PIK3R5: variants seen among roughly 807,000 people sequenced by gnomAD.
PIK3R5 encodes phosphoinositide-3-kinase regulatory subunit 5.
Under a neutral mutation model 94.9 loss-of-function variants are expected in PIK3R5, and 32 were observed. The ratio of observed to expected loss-of-function variants is 0.34; its 90% confidence interval spans 0.25 to 0.45. The LOEUF (loss-of-function observed/expected upper bound fraction) is 0.45. PIK3R5 is among the 20% of genes least tolerant of loss of function. The pLI is 1.00. For synonymous variants in PIK3R5, 443 were observed against 479.4 expected (o/e 0.92, Z 0.99); for missense variants, 853 against 1,144.6 (o/e 0.75, Z 3.68).
chr17:8,880,807 C>T lies in PIK3R5; in HGVS notation c.2496-21G>A, dbSNP rs202177104. 27 of 1,612,658 alleles carry T rather than the reference C, an allele frequency of 1.7e-5. No homozygotes were observed. The East Asian group carries it at 5.8e-4, about 35-fold the overall frequency. ...CACATCTGTGCAGCAGGGCAGGGGC[C>T]AGGGATCAGAGCAGGCCCCCATCCT... On this transcript the variant is annotated intron_variant, in intron 18 of 18. Coordinates refer to ENST00000447110, the MANE Select transcript of PIK3R5 (RefSeq NM_001142633.3).
Position 8,881,531 on chromosome 17 carries a change from G to A in PIK3R5, c.2382+99C>T, listed in dbSNP as rs974064531. On this transcript the variant is annotated intron_variant, in intron 17 of 18. Coordinates refer to ENST00000447110, the MANE Select transcript of PIK3R5 (RefSeq NM_001142633.3). The surrounding 1 kb of genome is among the most constrained non-coding windows in gnomAD (Gnocchi z 4.8). The stretch of plus-strand genomic sequence containing the variant: ...CACACGGGTGTGTATGTGCACACAT[G>A]CACACACATACATGTGCACACACAC... 6 of 920,982 alleles carry A rather than the reference G, an allele frequency of 6.5e-6. No individual in the cohort carries two copies. Among genetic ancestry groups the A allele is most frequent in the Non-Finnish European group, 1.0e-5 (6 of 574,352 alleles). The allele number at this position is 920,982 out of a possible 1,614,324, so 57.1% of individuals were successfully genotyped here.
chr17:8,924,964 C>T (rs866631238), intron 1 of PIK3R5, among the ~76,000 whole-genome samples: 2 of 152,212 alleles, frequency 1.3e-5, no homozygotes, highest in Non-Finnish European at 2.9e-5. Context: ...GGCACTGATG[C>T]AGTCTCTCCC....
chr17:8,940,013 C>CT (rs1331079994), intron 1 of PIK3R5, among the ~76,000 whole-genome samples: 1 of 152,198 alleles, frequency 6.6e-6, no homozygotes, highest in Admixed American at 6.5e-5. Context: ...AGTTTAATTC[C>CT]TTTTAAAAAC....
At position 8,897,913 on chromosome 17, in the gene PIK3R5, C is replaced by T. The variant is rs141609120; in HGVS notation, c.413-4258G>A. ...ATGCCAATGCTGGCCTGCCTTCATA[C>T]AGATTGTGTGTGTGTATGTGTGTGT... On this transcript the variant is annotated intron_variant, in intron 5 of 18. Transcript: ENST00000447110. Among the ~76,000 whole-genome samples the T allele has an allele frequency of 5.3e-5, 8 of 151,560 alleles. No homozygotes were observed. The East Asian group carries it at 1.5e-3, about 29-fold the overall frequency.
chr17:8,893,104 T>C lies in PIK3R5; in HGVS notation c.482+482A>G, dbSNP rs539417702. ...TGTGTGTTTGTGTATCAGGCTGTCA[T>C]ATAAAATGGATTTTTCTTATAGGTC... is the stretch of plus-strand genomic sequence containing the variant. On this transcript the variant is annotated intron_variant, in intron 6 of 18. Transcript: ENST00000447110. The surrounding 1 kb of genome is among the most constrained non-coding windows in gnomAD (Gnocchi z 5.1). Among the ~76,000 whole-genome samples, 25 of 151,392 alleles carry C rather than the reference T, an allele frequency of 1.7e-4. No individual in the cohort carries two copies. Among genetic ancestry groups the C allele is most frequent in the African/African-American group, 5.1e-4 (21 of 40,960 alleles).
intron 1 of PIK3R5, among the ~76,000 whole-genome samples, chr17:8,933,518 T>C (rs926655694): frequency 6.6e-6 from 1 of 152,098 alleles, no homozygotes; most frequent in African/African-American, 2.4e-5. Context: ...CTTCATAAAA[T>C]AGAGGAAGAG....
At chr17:8,902,035 T>G (rs1202240802) in intron 5 of PIK3R5, among the ~76,000 whole-genome samples, 1 of 151,866 alleles carries the variant, frequency 6.6e-6, no homozygotes, top group Admixed American at 6.6e-5. Context: ...GCGCTGGCAT[T>G]TTTGTTCTTT....
At chr17:8,916,212 C>T (rs1044433566) in intron 1 of PIK3R5, 9 of 152,306 alleles carry the variant, frequency 5.9e-5, no homozygotes, top group African/African-American at 2.2e-4. Context: ...CCCAGCACAC[C>T]GGGCTCACCA....
chr17:8,951,930 G>A (rs1033433551), intron 1 of PIK3R5, among the ~76,000 whole-genome samples: 1 of 152,218 alleles, frequency 6.6e-6, no homozygotes. Flanking sequence ...TCTGGCTACT[G>A]GAATATGAAT....
chr17:8,884,872 C>T lies in PIK3R5; in HGVS notation c.2129-89G>A, dbSNP rs2089775343. ...GGCCTTGCCTCCCTGGGCCTTACCT[C>T]CCCATCCCCTACCACATGGACCGTG... On this transcript the variant is annotated intron_variant, in intron 14 of 18. Coordinates refer to ENST00000447110, the MANE Select transcript of PIK3R5 (RefSeq NM_001142633.3). This position sits in a 1 kb window ranked among gnomAD's most constrained non-coding sequence, Gnocchi z 5.8. 1.9e-6 allele frequency: 2 copies of T among 1,036,248 alleles called. No homozygotes were observed. Among genetic ancestry groups the T allele is most frequent in the Non-Finnish European group, 3.0e-6 (2 of 669,590 alleles). 64.2% of individuals were successfully genotyped at this position (1,036,248 alleles called of 1,614,324 possible).
intron 1 of PIK3R5, among the ~76,000 whole-genome samples, chr17:8,936,479 T>C (rs1417413279): frequency 1.3e-5 from 2 of 152,230 alleles, no homozygotes; most frequent in East Asian, 3.8e-4. Flanking sequence ...GATTGGCCTT[T>C]TCCAGGACAT....
Position 8,955,654 on chromosome 17 carries a change from G to A in PIK3R5, c.-14+9942C>T. On this transcript the variant is annotated intron_variant, in intron 1 of 18. Transcript: ENST00000447110. The surrounding 1 kb of genome is among the most constrained non-coding windows in gnomAD (Gnocchi z 4.4). ...GTAAATAAAGCCAAATTGGGTAGGA[G>A]AGAGAACAATGGGGAAGTGAGAGAA... Among the ~76,000 whole-genome samples, 1 of 152,162 alleles carries A rather than the reference G, an allele frequency of 6.6e-6. No individual in the cohort carries two copies. The highest frequency in any genetic ancestry group is 2.4e-5 in the African/African-American group (1 of 41,430).
rs978269792 is a variant in PIK3R5, at chr17:8,955,177, G to C, written c.-14+10419C>G. ...ACCGAACCCCACAGAGGTCTCAGAT[G>C]GGGAGCAGCCCAGCCTGCCCGATCA... On this transcript the variant is annotated intron_variant, in intron 1 of 18. Transcript: ENST00000447110. This position sits in a 1 kb window ranked among gnomAD's most constrained non-coding sequence, Gnocchi z 4.4. 3.3e-5 allele frequency among the ~76,000 whole-genome samples: 5 copies of C among 152,186 alleles called. No individual in the cohort carries two copies. The highest frequency in any genetic ancestry group is 1.2e-4 in the African/African-American group (5 of 41,432).
chr17:8,908,495 A>C (rs2090442207), intron 3 of PIK3R5, among the ~76,000 whole-genome samples: 1 of 150,980 alleles, frequency 6.6e-6, no homozygotes, highest in Admixed American at 6.6e-5. Context: ...TGAAAGTGAC[A>C]TGTTTTCCAA....
rs2091246772 is a variant in PIK3R5 at position 8,944,836 on chromosome 17, C to T, written c.-14+20760G>A. On this transcript the variant is annotated intron_variant, in intron 1 of 18. Transcript: ENST00000447110. ...CCTGGAACTTTGTGATAGTGGCACA[C>T]AGGTAACTATATCCAGGGACCTACA... is the stretch of plus-strand genomic sequence containing the variant. Among the ~76,000 whole-genome samples, 3 of 151,980 alleles carry T rather than the reference C, an allele frequency of 2.0e-5. No homozygotes were observed. The South Asian group carries it at 6.2e-4, about 32-fold the overall frequency.
Position 8,913,579 on chromosome 17 carries a change from G to A in PIK3R5, c.-13-2072C>T, listed in dbSNP as rs2090572086. Reference sequence around the variant, plus strand: ...TTTAAAACATTAGCCAGGCGTGGTGGCAGGCACCTGTAATCCCAGTTACCC... The same window carrying A: ...TTTAAAACATTAGCCAGGCGTGGTGACAGGCACCTGTAATCCCAGTTACCC... On this transcript the variant is annotated intron_variant, in intron 1 of 18. Transcript: ENST00000447110. Among the ~76,000 whole-genome samples, 3 of 152,284 alleles carry A rather than the reference G, an allele frequency of 2.0e-5. No homozygotes were observed. In the South Asian group the frequency reaches 6.2e-4, roughly 32 times the overall value.
At chr17:8,885,702 C>A (rs1597372787) in intron 14 of PIK3R5, among the ~76,000 whole-genome samples, 1 of 99,180 alleles carries the variant, frequency 1.0e-5, no homozygotes, top group African/African-American at 4.5e-5. Context: ...TAACCCCGCC[C>A]TCCCATGGCC....
intron 1 of PIK3R5, among the ~76,000 whole-genome samples, chr17:8,934,058 C>T (rs558604487): frequency 6.6e-6 from 1 of 152,180 alleles, no homozygotes; most frequent in Non-Finnish European, 1.5e-5. Flanking sequence ...TCTGTTCTTA[C>T]CTACTCAACA....
chr17:8,942,473 A>C (rs1445795744), intron 1 of PIK3R5, among the ~76,000 whole-genome samples: 1 of 152,136 alleles, frequency 6.6e-6, no homozygotes, highest in African/African-American at 2.4e-5. Flanking sequence ...AGCTCTGCTC[A>C]GCCCCACCAA....
Sources: gnomAD v4.1 joint callset for allele counts (sites outside exome capture counted in the v4.1 genomes callset) on GRCh38, gnomAD v4.1.1 for gene constraint, Gnocchi (gnomAD v3.1) non-coding constraint, MANE v1.5 for transcripts, NCBI Gene and HGNC (gene_info 2026-07-23, HGNC 2026-07-21) for gene names.